TFDP1: variants seen among roughly 807,000 people sequenced by gnomAD.
The protein encoded by TFDP1 is DRTF1-polypeptide 1.
A neutral mutation model predicts 48.0 loss-of-function variants in TFDP1; 6 were observed. The observed-to-expected ratio is 0.13, with a 90% CI of 0.07 to 0.25. The LOEUF (loss-of-function observed/expected upper bound fraction) is 0.25, where lower values mean the gene tolerates loss of function less well. Ranked by LOEUF, TFDP1 falls within the 10% of genes least tolerant of loss-of-function variation. The pLI, the probability that TFDP1 is intolerant of heterozygous loss-of-function variation, is 1.00. For missense variants in TFDP1, 335 were observed against 543.0 expected, an observed-to-expected ratio of 0.62 and a Z score of 3.81; for synonymous variants, 201 against 211.6, an observed-to-expected ratio of 0.95 and a Z score of 0.44.
intron 11 of TFDP1, 116 bp from the exon 12 acceptor site, chr13:113,640,004 A>G: frequency 1.4e-6 from 1 of 731,976 alleles, no homozygotes; most frequent in East Asian, 2.7e-5. Flanking sequence ...TGTTTGTGTG[A>G]CTGACAAAAC....
At chr13:113,626,158 C>G (rs1425393101) in intron 4 of TFDP1, among the ~76,000 whole-genome samples, 1 of 151,884 alleles carries the variant, frequency 6.6e-6, no homozygotes, top group Non-Finnish European at 1.5e-5. Context: ...TCTCAGGTGT[C>G]CCCAGGTGTC....
intron 8 of TFDP1, among the ~76,000 whole-genome samples, 200 bp downstream of exon 8, chr13:113,634,802 CAT>C (rs1491455008): frequency 1.3e-4 from 1 of 7,446 alleles, no homozygotes; most frequent in Non-Finnish European, 2.4e-4. Flanking sequence ...CGTGTGCATG[CAT>C]GTGTGTGTGC....
chr13:113,639,021 C>G (rs1481408125), intron 11 of TFDP1, among the ~76,000 whole-genome samples: 2 of 152,098 alleles, frequency 1.3e-5, no homozygotes, highest in Admixed American at 1.3e-4. Context: ...CTGGCCAGCT[C>G]TGGAAGTGCA....
intron 2 of TFDP1, among the ~76,000 whole-genome samples, chr13:113,600,721 A>G (rs2048401137): frequency 6.7e-6 from 1 of 148,954 alleles, no homozygotes; most frequent in Admixed American, 6.7e-5. Flanking sequence ...GTAGGGCTCC[A>G]GGACCATGAG....
At chr13:113,620,224 GC>G (rs1427553221) in intron 3 of TFDP1, among the ~76,000 whole-genome samples, 3 of 152,196 alleles carry the variant, frequency 2.0e-5, no homozygotes, top group Non-Finnish European at 4.4e-5. Flanking sequence ...CTGTCCCACA[GC>G]CCCACCACCA....
intron 10 of TFDP1, 135 bp from the exon 11 acceptor site, chr13:113,637,683 C>G (rs1385322020): frequency 6.4e-7 from 1 of 1,555,138 alleles, no homozygotes; most frequent in Non-Finnish European, 8.7e-7. Flanking sequence ...GTGGAAAATA[C>G]TGGACAAGCG....
intron 3 of TFDP1, among the ~76,000 whole-genome samples, chr13:113,620,083 C>T (rs1215139373): frequency 1.1e-4 from 16 of 152,230 alleles, no homozygotes; most frequent in Non-Finnish European, 2.1e-4. Context: ...CCCAGCCTCA[C>T]GGTGCTGGCC....
chr13:113,619,270 C>A (rs927470697), intron 3 of TFDP1, among the ~76,000 whole-genome samples: 1 of 152,082 alleles, frequency 6.6e-6, no homozygotes, highest in Non-Finnish European at 1.5e-5. Context: ...GTCAGGCGTT[C>A]AAGACCAGCC....
intron 4 of TFDP1, among the ~76,000 whole-genome samples, chr13:113,629,992 C>T (rs937103619): frequency 7.9e-5 from 12 of 152,180 alleles, no homozygotes; most frequent in South Asian, 2.1e-4. Flanking sequence ...CACTGCCTGG[C>T]GTGGAGCTGG....
intron 2 of TFDP1, among the ~76,000 whole-genome samples, chr13:113,596,633 G>A (rs868728081): frequency 2.6e-5 from 4 of 152,212 alleles, no homozygotes; most frequent in Non-Finnish European, 5.9e-5. Flanking sequence ...TCAGGCCAGC[G>A]GTGGAGTCGG....
chr13:113,622,595 C>G (rs1003217766), intron 3 of TFDP1, among the ~76,000 whole-genome samples: 6 of 152,198 alleles, frequency 3.9e-5, no homozygotes, highest in African/African-American at 1.2e-4. Context: ...ACCGCCCTGT[C>G]CCTAGGACCT....
At chr13:113,632,929 C>G (rs2049376403) in intron 5 of TFDP1, among the ~76,000 whole-genome samples, 191 bp from the exon 6 acceptor site, 1 of 152,238 alleles carries the variant, frequency 6.6e-6, no homozygotes, top group Admixed American at 6.5e-5. Context: ...GCTTTCTGAC[C>G]TGCAGGACCA....
In TFDP1 at chr13:113,591,909, C is replaced by T. The variant is rs4150692; in HGVS notation, c.12+6060C>T. On this transcript the variant is annotated intron_variant, in intron 2 of 11. Coordinates refer to ENST00000375370, the MANE Select transcript of TFDP1 (RefSeq NM_007111.5). ...TGGTTGTTCGGGTACTGGCCATGCACTGCTCTCTGTATCTTTGTGTGTAGC... is the reference window on the plus strand; with the variant it reads ...TGGTTGTTCGGGTACTGGCCATGCATTGCTCTCTGTATCTTTGTGTGTAGC... Among the ~76,000 whole-genome samples the T allele has an allele frequency of 4.0e-3, 603 of 152,328 alleles. 7 individuals are homozygous for T. The highest frequency in any genetic ancestry group is 0.014 in the African/African-American group (566 of 41,574).
chr13:113,627,715 C>T lies in TFDP1; in HGVS notation c.187-3908C>T, dbSNP rs4150766. Among the ~76,000 whole-genome samples the T allele has an allele frequency of 0.012, 1,728 of 146,142 alleles. 36 individuals are homozygous for T. Among genetic ancestry groups the T allele is most frequent in the South Asian group, 0.096 (463 of 4,822 alleles). ...CTGTCAGATCCCAGCATTAGGTTCTCAGGAGCGCAAACCCCACTGTGAACG... is the reference window on the plus strand; with the variant it reads ...CTGTCAGATCCCAGCATTAGGTTCTTAGGAGCGCAAACCCCACTGTGAACG... On this transcript the variant is annotated intron_variant, in intron 4 of 11. Transcript: ENST00000375370. The surrounding 1 kb of genome is among the most constrained non-coding windows in gnomAD (Gnocchi z 4.1).
intron 2 of TFDP1, among the ~76,000 whole-genome samples, chr13:113,597,187 G>A (rs1333362611): frequency 6.6e-6 from 1 of 152,228 alleles, no homozygotes; most frequent in Admixed American, 6.5e-5. Context: ...AATGGAAATG[G>A]AAATTCTTTC....
intron 2 of TFDP1, among the ~76,000 whole-genome samples, chr13:113,608,571 C>T (rs2048627509): frequency 6.6e-6 from 1 of 152,228 alleles, no homozygotes; most frequent in Non-Finnish European, 1.5e-5. Flanking sequence ...GCCTGACCAG[C>T]CCTGGCCGAG....
Position 113,614,961 on chromosome 13 carries a change from G to A in TFDP1, c.79+3899G>A, listed in dbSNP as rs116910664. Reference sequence around the variant, plus strand: ...TAACGGCTCCTCTTTGAGGAGCTCCGCGGCAAGTTCTCGGCTGGCCTTTGG... The same window carrying A: ...TAACGGCTCCTCTTTGAGGAGCTCCACGGCAAGTTCTCGGCTGGCCTTTGG... On this transcript the variant is annotated intron_variant, in intron 3 of 11. Coordinates refer to ENST00000375370, the MANE Select transcript of TFDP1 (RefSeq NM_007111.5). Among the ~76,000 whole-genome samples, 1,437 of 152,286 alleles carry A rather than the reference G, an allele frequency of 9.4e-3. 36 individuals are homozygous for A. The East Asian group carries it at 0.11, about 11-fold the overall frequency.
At chr13:113,634,511 A>T (rs2049421115) in intron 7 of TFDP1, 23 bp from the exon 8 acceptor site, 1 of 1,607,572 alleles carries the variant, frequency 6.2e-7, no homozygotes, top group Admixed American at 1.7e-5. Flanking sequence ...ATGATTCTTC[A>T]CATGGGTGGT....
intron 3 of TFDP1, among the ~76,000 whole-genome samples, chr13:113,612,186 A>G (rs1465327834): frequency 3.9e-5 from 6 of 152,124 alleles, no homozygotes; most frequent in African/African-American, 1.4e-4. Context: ...GCGGGCGCCC[A>G]TGGTGCCATC....
Sources: gnomAD v4.1 joint callset for allele counts (sites outside exome capture counted in the v4.1 genomes callset) on GRCh38, gnomAD v4.1.1 for gene constraint, Gnocchi (gnomAD v3.1) non-coding constraint, MANE v1.5 for transcripts, NCBI Gene and HGNC (gene_info 2026-07-23, HGNC 2026-07-21) for gene names.